Variants in FBXO17 observed in about 807,000 individuals in gnomAD.
The protein encoded by FBXO17 is F-box protein 17, also known as F-box only protein 17.
A neutral mutation model predicts 34.1 loss-of-function variants in FBXO17; 43 were observed. That is an observed-to-expected ratio of 1.26 (90% CI 0.99 to 1.62). The LOEUF is 1.62. Among genes scored for constraint, FBXO17 ranks in the 40% most tolerant of loss-of-function variants. FBXO17 has a pLI of 0.00. For missense variants in FBXO17, 424 were observed against 386.7 expected (o/e 1.10, Z -0.81); for synonymous variants, 169 against 166.0 (o/e 1.02, Z -0.14).
At position 38,975,295 on chromosome 19, in the gene FBXO17, C is replaced by A. The variant is rs889227926; in HGVS notation, c.-18+291G>T. Among the ~76,000 whole-genome samples, 2 of 152,206 alleles carry A rather than the reference C, an allele frequency of 1.3e-5. No individual in the cohort carries two copies. The highest frequency in any genetic ancestry group is 2.4e-5 in the African/African-American group (1 of 41,456). Reference sequence around the variant, plus strand: ...CAGGGGTTTTGGATGGTGGCCTCCGCGGACGAGCGCAGGGATGGAGAGGCC... The same window carrying A: ...CAGGGGTTTTGGATGGTGGCCTCCGAGGACGAGCGCAGGGATGGAGAGGCC... On this transcript the variant is annotated intron_variant, in intron 1 of 5. Coordinates refer to ENST00000292852, the MANE Select transcript of FBXO17 (RefSeq NM_024907.7). The surrounding 1 kb of genome is among the most constrained non-coding windows in gnomAD (Gnocchi z 4.9).
intron 4 of FBXO17, chr19:38,945,367 G>A: frequency 2.0e-6 from 1 of 496,090 alleles, no homozygotes; most frequent in Non-Finnish European, 3.5e-6. Context: ...GGTGGAGCCA[G>A]AGCCTGGGGG....
At chr19:38,949,278 T>C (rs932739913) in intron 2 of FBXO17, among the ~76,000 whole-genome samples, 4 of 152,232 alleles carry the variant, frequency 2.6e-5, no homozygotes, top group African/African-American at 9.6e-5. Context: ...ATTTTGTATT[T>C]TAGTAGAGAT....
chr19:38,944,671 A>C, intron 5 of FBXO17: 1 of 367,020 alleles, frequency 2.7e-6, no homozygotes, highest in South Asian at 3.3e-5. Context: ...CTGTTTCCTC[A>C]ACTCTAGAAT....
intron 1 of FBXO17, among the ~76,000 whole-genome samples, chr19:38,969,568 T>C (rs1261900198): frequency 1.3e-5 from 2 of 148,358 alleles, no homozygotes; most frequent in Non-Finnish European, 3.0e-5. Context: ...CCATTTGGAA[T>C]CACTTTGGAA....
At chr19:38,951,622 C>G (rs1975084853) in intron 1 of FBXO17, among the ~76,000 whole-genome samples, 1 of 151,288 alleles carries the variant, frequency 6.6e-6, no homozygotes, top group Non-Finnish European at 1.5e-5. Flanking sequence ...TTCCTCCCAC[C>G]AACTGTCATC....
In FBXO17 at chr19:38,950,279, G is replaced by T. The variant is rs779447774; in HGVS notation, c.41C>A (p.Pro14Gln). 1.4e-6 allele frequency: 2 copies of T among 1,451,348 alleles called. No homozygotes were observed. Among genetic ancestry groups the T allele is most frequent in the South Asian group, 2.8e-5 (2 of 70,246 alleles). The allele number at this position is 1,451,348 out of a possible 1,614,324, so 89.9% of individuals were successfully genotyped here. A position where few individuals can be genotyped will look rare whatever the true frequency, so the allele number is the denominator to read the frequency against. The change falls in exon 2 of 6, where the codon CCA (proline) becomes CAA (glutamine). Residue 14 changes from proline to glutamine, a missense_variant. Physicochemically the swap from Pro to Gln is moderately conservative, Grantham distance 76 (BLOSUM62 -1). Transcript: ENST00000292852. ...GGGCAGCGCGTCCAGGGCCAGGGAT[G>T]GGTCCGCCGGCAGCCGTCGCCGCGA... Reference protein sequence around the residue: ...RLSRRRLPADPSLALDALPPE... With the variant: ...RLSRRRLPADQSLALDALPPE...
chr19:38,959,240 A>G lies in FBXO17; in HGVS notation c.-17-8904T>C, dbSNP rs552545587. Among the ~76,000 whole-genome samples, 410 of 150,746 alleles carry G rather than the reference A, an allele frequency of 2.7e-3. 1 individual carries two copies. Among genetic ancestry groups the G allele is most frequent in the African/African-American group, 9.7e-3 (399 of 41,048 alleles). ...AGGGATTTCTGAGGCTGGATCATAA[A>G]AGAGTATGCAGCCTCTGCCTGTCTT... On this transcript the variant is annotated intron_variant, in intron 1 of 5. Coordinates refer to ENST00000292852, the MANE Select transcript of FBXO17 (RefSeq NM_024907.7).
At chr19:38,954,898 A>C (rs747711582) in intron 1 of FBXO17, among the ~76,000 whole-genome samples, 123 of 9,960 alleles carry the variant, frequency 0.012, no homozygotes, top group African/African-American at 0.068. Context: ...GTGTTATTTT[A>C]TTATTATTAT....
chr19:38,948,708 T>C (rs777727997), intron 2 of FBXO17, 30 bp from the exon 3 acceptor site: 2 of 1,600,034 alleles, frequency 1.2e-6, no homozygotes, highest in African/African-American at 2.7e-5. Context: ...GAACATATGG[T>C]TCACCTGCCA....
intron 1 of FBXO17, among the ~76,000 whole-genome samples, chr19:38,951,294 T>C (rs1457041462): frequency 2.0e-5 from 3 of 151,882 alleles, no homozygotes; most frequent in Admixed American, 2.0e-4. Flanking sequence ...GCCTCCCAAG[T>C]AGCTGGGACT....
rs765858456 is a variant in FBXO17, at chr19:38,942,743, G to T, written c.702C>A (p.His234Gln). Residue 234 changes from histidine (H) to glutamine (Q), a missense_variant, in exon 6 of 6, where the codon CAC becomes CAA. His to Gln is a conservative substitution (Grantham distance 24, BLOSUM62 0). Coordinates refer to ENST00000292852, the MANE Select transcript of FBXO17 (RefSeq NM_024907.7). ...WTERGCRQVS[H>Q]VFTNFGKGIR... ...TGCCCTTGCCAAAGTTGGTGAAGAC[G>T]TGGGAGACCTGCAGGGGGAAGGGGA... 1.2e-6 allele frequency: 2 copies of T among 1,605,620 alleles called. No homozygotes were observed. Among genetic ancestry groups the T allele is most frequent in the East Asian group, 2.3e-5 (1 of 43,992 alleles).
intron 1 of FBXO17, among the ~76,000 whole-genome samples, chr19:38,967,403 G>A (rs1268473901): frequency 2.6e-5 from 4 of 151,948 alleles, no homozygotes; most frequent in African/African-American, 4.8e-5. Context: ...TCACGCCATC[G>A]CACTCCAGCC....
chr19:38,955,484 CTTT>C (rs1223708955), intron 1 of FBXO17, among the ~76,000 whole-genome samples: 2 of 133,698 alleles, frequency 1.5e-5, no homozygotes, highest in Admixed American at 8.0e-5. Context: ...TTCTTTCTTT[CTTT>C]TTTTTTTTTT....
At chr19:38,948,455 T>C in intron 3 of FBXO17, 112 bp downstream of exon 3, 1 of 735,680 alleles carries the variant, frequency 1.4e-6, no homozygotes, top group Non-Finnish European at 2.3e-6. Context: ...AATGAATAAA[T>C]AAATGGGGGA....
chr19:38,948,686 A>C lies in FBXO17; in HGVS notation c.350-8T>G, dbSNP rs1176223050. ...CCCAGCCTCTGAAGCCCTCTGTGGG[A>C]AAACAAGAGTTGAACATATGGTTCA... On this transcript the variant is annotated splice_polypyrimidine_tract_variant and splice_region_variant and intron_variant, in intron 2 of 5. Transcript: ENST00000292852. The C allele has an allele frequency of 6.2e-7, 1 of 1,612,734 alleles. No homozygotes were observed. The highest frequency in any genetic ancestry group is 2.2e-5 in the East Asian group (1 of 44,886).
At chr19:38,972,509 C>A (rs1473705281) in intron 1 of FBXO17, among the ~76,000 whole-genome samples, 1 of 150,710 alleles carries the variant, frequency 6.6e-6, no homozygotes, top group Non-Finnish European at 1.5e-5. Flanking sequence ...TGTGCCACTG[C>A]ACTGCAGCCT....
chr19:38,963,736 G>A (rs1256760237), intron 1 of FBXO17, among the ~76,000 whole-genome samples: 1 of 151,962 alleles, frequency 6.6e-6, no homozygotes, highest in Non-Finnish European at 1.5e-5. Context: ...TTATGAATAA[G>A]GCTGCTATGA....
Position 38,942,496 on chromosome 19 carries a change from C to CA in FBXO17, c.*111dup, listed in dbSNP as rs77963530. 0.18 allele frequency: 214,154 copies of CA among 1,193,562 alleles called. 22,177 individuals are homozygous for CA. Among genetic ancestry groups the CA allele is most frequent in the East Asian group, 0.5 (17,214 of 34,642 alleles). 73.9% of individuals were successfully genotyped at this position (1,193,562 alleles called of 1,614,324 possible). A position where few individuals can be genotyped will look rare whatever the true frequency, so the allele number is the denominator to read the frequency against. Reference sequence around the variant, plus strand: ...AGGCTGGTCTTGAACTCCCGAGCTCCAGTGATCCTCCCACCTCGGCCTCCT... The same window carrying CA: ...AGGCTGGTCTTGAACTCCCGAGCTCCAAGTGATCCTCCCACCTCGGCCTCCT... On this transcript the variant is annotated 3_prime_UTR_variant, in exon 6 of 6. Coordinates refer to ENST00000292852, the MANE Select transcript of FBXO17 (RefSeq NM_024907.7).
intron 1 of FBXO17, chr19:38,952,725 C>T: frequency 2.0e-6 from 1 of 492,984 alleles, no homozygotes; most frequent in South Asian, 1.5e-5. Context: ...CCTCTCTGTT[C>T]CCTGACCTCT....
Sources: allele counts gnomAD v4.1 joint callset (sites outside exome capture counted in the v4.1 genomes callset), GRCh38; gene constraint gnomAD v4.1.1; non-coding constraint Gnocchi (gnomAD v3.1); transcripts MANE v1.5; gene names NCBI Gene and HGNC (gene_info 2026-07-23, HGNC 2026-07-21).